The following NME5 variants were observed in gnomAD, a reference collection of about 807,000 sequenced individuals.
NME5 encodes NME/NM23 family member 5.
Under a neutral mutation model 21.6 loss-of-function variants are expected in NME5, and 18 were observed. The observed-to-expected ratio is 0.83, with a 90% CI of 0.58 to 1.24. The LOEUF is 1.24. NME5 is among the 50% of genes most tolerant of loss of function. The pLI is 0.00. For missense variants in NME5, 223 were observed against 255.4 expected, an observed-to-expected ratio of 0.87 and a Z score of 0.86; for synonymous variants, 70 against 80.6, an observed-to-expected ratio of 0.87 and a Z score of 0.71.
chr5:138,118,099 T>G (rs541791594), intron 5 of NME5, among the ~76,000 whole-genome samples: 1 of 152,080 alleles, frequency 6.6e-6, no homozygotes, highest in African/African-American at 2.4e-5. Flanking sequence ...TTTAAAAAGG[T>G]TCTCAATATT....
chr5:138,135,641 CG>C (rs1751682545), intron 2 of NME5, among the ~76,000 whole-genome samples: 1 of 152,086 alleles, frequency 6.6e-6, no homozygotes, highest in African/African-American at 2.4e-5. Context: ...GGGCAAAATA[CG>C]GACTTTTAAA....
At chr5:138,130,762 C>T (rs889488593) in intron 2 of NME5, among the ~76,000 whole-genome samples, 16 of 146,126 alleles carry the variant, frequency 1.1e-4, no homozygotes, top group African/African-American at 3.5e-4. Flanking sequence ...TCGTCTCTAC[C>T]GAAAATACAA....
chr5:138,128,546 C>T lies in NME5; in HGVS notation c.369G>A (p.Arg123=). 2 of 1,612,388 alleles carry T rather than the reference C, an allele frequency of 1.2e-6. No homozygotes were observed. The highest frequency in any genetic ancestry group is 1.3e-5 in the African/African-American group (1 of 74,956). ...LRAIYGTDDL[R]NALHGSNDFA... ...AGTCATTACTCCCATGAAGTGCATT[C>T]CTTAGGTCATCTGTGCCATAAATTG... Residue 123 remains arginine, a synonymous_variant, in exon 4 of 6, where the codon AGG becomes AGA. Coordinates refer to ENST00000265191, the MANE Select transcript of NME5 (RefSeq NM_003551.3).
intron 4 of NME5, among the ~76,000 whole-genome samples, chr5:138,126,329 G>A (rs1751424321): frequency 6.6e-6 from 1 of 151,668 alleles, no homozygotes; most frequent in South Asian, 2.1e-4. Context: ...GGGAAACATG[G>A]CAAAACTCCG....
chr5:138,134,662 G>C lies in NME5; in HGVS notation c.129+3990C>G, dbSNP rs1023646480. On this transcript the variant is annotated intron_variant, in intron 2 of 5. Transcript: ENST00000265191. ...CCCAAAGTGCTGTGATTACAGGATT[G>C]AGCCACCACGGCCGGCTAATTTTTA... Among the ~76,000 whole-genome samples, 21 of 151,566 alleles carry C rather than the reference G, an allele frequency of 1.4e-4. No homozygotes were observed. The South Asian group carries it at 3.1e-3, about 23-fold the overall frequency.
At chr5:138,126,289 T>C (rs535720592) in intron 4 of NME5, among the ~76,000 whole-genome samples, 29 of 151,998 alleles carry the variant, frequency 1.9e-4, no homozygotes, top group African/African-American at 7.0e-4. Flanking sequence ...GTGGGAGTAT[T>C]GCTTGAGCCC....
At chr5:138,138,855 C>A (rs1312892145) in intron 1 of NME5, 70 bp from the exon 2 acceptor site, 45 of 1,383,868 alleles carry the variant, frequency 3.3e-5, no homozygotes, top group Non-Finnish European at 4.2e-5. Context: ...CCCCCCACCC[C>A]CATCGCAAAT....
chr5:138,123,536 G>T (rs1751333055), intron 4 of NME5, among the ~76,000 whole-genome samples: 1 of 152,122 alleles, frequency 6.6e-6, no homozygotes, highest in African/African-American at 2.4e-5. Context: ...TGTCAAAAAT[G>T]ACAGAATCTC....
At chr5:138,120,951 GA>G (rs1364155260) in intron 4 of NME5, among the ~76,000 whole-genome samples, 1 of 152,054 alleles carries the variant, frequency 6.6e-6, no homozygotes, top group African/African-American at 2.4e-5. Flanking sequence ...AATGTGCTCA[GA>G]ACACTTACAT....
intron 4 of NME5, among the ~76,000 whole-genome samples, chr5:138,119,872 T>C (rs1458970091): frequency 6.6e-6 from 1 of 152,040 alleles, no homozygotes; most frequent in Non-Finnish European, 1.5e-5. Flanking sequence ...AAGTTCTTTA[T>C]ATTATTTGGT....
chr5:138,135,645 C>T (rs921582704), intron 2 of NME5, among the ~76,000 whole-genome samples: 2 of 152,076 alleles, frequency 1.3e-5, no homozygotes, highest in South Asian at 4.1e-4. Flanking sequence ...AAAATACGGA[C>T]TTTTAAAAAA....
Position 138,129,296 on chromosome 5 carries a change from T to G in NME5, c.302A>C (p.Asn101Thr). The G allele has an allele frequency of 1.9e-6, 3 of 1,613,994 alleles. No homozygotes were observed. The highest frequency in any genetic ancestry group is 2.5e-6 in the Non-Finnish European group (3 of 1,179,874). The change falls in exon 3 of 6, where the codon AAT becomes ACT. Residue 101 changes from asparagine (N) to threonine (T), a missense_variant. Asn to Thr is a moderately conservative substitution (Grantham distance 65, BLOSUM62 0). Transcript: ENST00000265191. ...SYWLELLGPN[N>T]SLVAKETHPD... ...ATGTGTCTCCTTCGCTACTAAGCTA[T>G]TATTTGGTCCCAAAAGTTCTAACCA...
chr5:138,115,964 C>T (rs868830332), intron 5 of NME5, among the ~76,000 whole-genome samples, 200 bp from the exon 6 acceptor site: 24 of 152,176 alleles, frequency 1.6e-4, no homozygotes, highest in African/African-American at 5.3e-4. Context: ...AAAACTATCT[C>T]TTTTCACAGA....
chr5:138,120,506 G>A (rs1004652507), intron 4 of NME5, among the ~76,000 whole-genome samples: 3 of 152,048 alleles, frequency 2.0e-5, no homozygotes, highest in Non-Finnish European at 4.4e-5. Flanking sequence ...CCAAAGTGCT[G>A]GGATTACAGG....
At chr5:138,130,651 G>A (rs1751540137) in intron 2 of NME5, among the ~76,000 whole-genome samples, 1 of 151,998 alleles carries the variant, frequency 6.6e-6, no homozygotes, top group African/African-American at 2.4e-5. Flanking sequence ...CAGGCCAGGC[G>A]CGGTAGCTCA....
chr5:138,122,520 CT>C (rs1751310221), intron 4 of NME5, among the ~76,000 whole-genome samples: 1 of 144,494 alleles, frequency 6.9e-6, no homozygotes, highest in Admixed American at 7.2e-5. Flanking sequence ...TGGAATTTTC[CT>C]TTTTACAGCT....
At chr5:138,134,819 G>A (rs1400496935) in intron 2 of NME5, among the ~76,000 whole-genome samples, 8 of 139,832 alleles carry the variant, frequency 5.7e-5, no homozygotes, top group South Asian at 4.9e-4. Context: ...TCCACCTCCC[G>A]GGTTCACGCC....
intron 4 of NME5, among the ~76,000 whole-genome samples, chr5:138,122,304 G>A (rs1212365843): frequency 6.6e-6 from 1 of 151,632 alleles, no homozygotes; most frequent in Non-Finnish European, 1.5e-5. Context: ...GCTGGGCGTG[G>A]TGGTGGGCGC....
At chr5:138,129,576 G>A in intron 2 of NME5, 108 bp from the exon 3 acceptor site, 2 of 710,046 alleles carry the variant, frequency 2.8e-6, no homozygotes, top group South Asian at 1.8e-5. Flanking sequence ...ATAACTTCAA[G>A]GTTTATCTTT....
Sources: allele counts gnomAD v4.1 joint callset (sites outside exome capture counted in the v4.1 genomes callset), GRCh38; gene constraint gnomAD v4.1.1; transcripts MANE v1.5; gene names NCBI Gene and HGNC (gene_info 2026-07-23, HGNC 2026-07-21).